JAG1: variants seen among roughly 807,000 people sequenced by gnomAD.
JAG1 encodes the protein protein jagged-1.
Under a neutral mutation model 148.7 loss-of-function variants are expected in JAG1, and 23 were observed. The observed-to-expected ratio is 0.15, with a 90% CI of 0.11 to 0.22. The LOEUF (loss-of-function observed/expected upper bound fraction) is 0.22. JAG1 is among the 10% of genes least tolerant of loss of function. JAG1 has a pLI of 1.00. For missense variants in JAG1, 1,054 were observed against 1,611.2 expected (o/e 0.65, Z 5.92); for synonymous variants, 572 against 598.3 (o/e 0.96, Z 0.64).
chr20:10,663,350 C>T (rs2067430201), intron 3 of JAG1, among the ~76,000 whole-genome samples: 1 of 152,218 alleles, frequency 6.6e-6, no homozygotes, highest in South Asian at 2.1e-4. Flanking sequence ...ATCACATCCT[C>T]CATGGCTTAT....
At position 10,647,900 on chromosome 20, in the gene JAG1, G is replaced by T. The variant is rs536580096; in HGVS notation, c.1720+60C>A. The T allele has an allele frequency of 3.2e-6, 5 of 1,564,186 alleles. No homozygotes were observed. The Admixed American group carries it at 8.4e-5, about 26-fold the overall frequency. On this transcript the variant is annotated intron_variant, in intron 13 of 25. Coordinates refer to ENST00000254958, the MANE Select transcript of JAG1 (RefSeq NM_000214.3). ...TCAAGTGTAACAAGGGGCAGTGGTA[G>T]TAAGTGGGGACAAAAGGAGCAAGTC...
Position 10,642,614 on chromosome 20 carries a change from G to A in JAG1, c.2459-13C>T, listed in dbSNP as rs543005578. On this transcript the variant is annotated splice_polypyrimidine_tract_variant and intron_variant, in intron 20 of 25. Transcript: ENST00000254958. The stretch of plus-strand genomic sequence containing the variant: ...CATTCATTGATGTCTAGGAGAAATG[G>A]AGTTCAAGTTTAGGGACTGATGGTG... The A allele has an allele frequency of 4.6e-5, 71 of 1,534,812 alleles. No individual in the cohort carries two copies. In the East Asian group the frequency reaches 1.1e-3, roughly 23 times the overall value.
chr20:10,650,222 A>C, intron 9 of JAG1, 25 bp downstream of exon 9: 1 of 1,480,114 alleles, frequency 6.8e-7, no homozygotes, highest in Non-Finnish European at 9.4e-7. Flanking sequence ...TGGTATAAAA[A>C]TTACAGTCAC....
intron 10 of JAG1, 112 bp downstream of exon 10, chr20:10,649,410 A>ACT (rs1474160304): frequency 1.5e-5 from 11 of 744,736 alleles, no homozygotes; most frequent in Non-Finnish European, 2.7e-5. Flanking sequence ...AACCATTCCC[A>ACT]CTCTAAGGTT....
intron 13 of JAG1, among the ~76,000 whole-genome samples, chr20:10,647,638 T>A (rs2122607076): frequency 6.6e-6 from 1 of 152,368 alleles, no homozygotes; most frequent in Non-Finnish European, 1.5e-5. Flanking sequence ...TCCCCCTCTG[T>A]CTGCCGTTGC....
At chr20:10,648,909 T>C in intron 11 of JAG1, 152 bp downstream of exon 11, 1 of 873,276 alleles carries the variant, frequency 1.1e-6, no homozygotes, top group Non-Finnish European at 1.9e-6. Context: ...CCCACGAGGC[T>C]GGGGTAACAT....
At chr20:10,646,869 G>C in intron 14 of JAG1, 70 bp downstream of exon 14, 1 of 1,477,238 alleles carries the variant, frequency 6.8e-7, no homozygotes, top group Non-Finnish European at 9.5e-7. Flanking sequence ...CCCAGGGTGG[G>C]CCAGGGGCAG....
intron 3 of JAG1, among the ~76,000 whole-genome samples, chr20:10,663,439 G>A (rs2067430853): frequency 6.6e-6 from 1 of 152,214 alleles, no homozygotes; most frequent in Non-Finnish European, 1.5e-5. Context: ...GACAAGGCAG[G>A]TAATGGCTGT....
At position 10,646,081 on chromosome 20, in the gene JAG1, A is replaced by G; in HGVS notation, c.1889T>C (p.Ile630Thr). The change falls in exon 15 of 26, where the codon ATT becomes ACT. Residue 630 changes from isoleucine to threonine, a missense_variant. Physicochemically the swap from Ile to Thr is moderately conservative, Grantham distance 89. Transcript: ENST00000254958. ...GFTGTYCHEN[I>T]NDCESNPCRN... ...ACAAGGGTTGCTCTCACAGTCATTA[A>G]TATCTATGAAACAAAGTAAAGCAAA... The G allele has an allele frequency of 1.2e-6, 2 of 1,606,390 alleles. No homozygotes were observed. The highest frequency in any genetic ancestry group is 1.1e-5 in the South Asian group (1 of 90,928).
At chr20:10,642,429 G>T in intron 21 of JAG1, 59 bp downstream of exon 21, 4 of 961,642 alleles carry the variant, frequency 4.2e-6, no homozygotes, top group South Asian at 3.9e-5. Context: ...GTCAAATGGT[G>T]ACTGCAAAGC....
Position 10,672,878 on chromosome 20 carries a change from C to G in JAG1, c.210G>C (p.Glu70Asp). The G allele has an allele frequency of 6.2e-7, 1 of 1,613,362 alleles. No homozygotes were observed. Among genetic ancestry groups the G allele is most frequent in the Non-Finnish European group, 8.5e-7 (1 of 1,180,056 alleles). Residue 70 changes from glutamate to aspartate, a missense_variant, in exon 2 of 26, where the codon GAG (glutamate) becomes GAC (aspartate). Physicochemically the swap from Glu to Asp is conservative, Grantham distance 45 (BLOSUM62 2). This residue lies in a region of JAG1 where 151 missense variants were observed against 211.1 expected (regional missense o/e 0.72). Coordinates refer to ENST00000254958, the MANE Select transcript of JAG1 (RefSeq NM_000214.3). ...NPGDRKCTRD[E>D]CDTYFKVCLK... ...GGCACACTTTGAAGTATGTGTCACA[C>G]TCGTCGCGGGTGCACTTGCGGTCTC...
At chr20:10,664,411 C>CACAA (rs1491053865) in intron 2 of JAG1, among the ~76,000 whole-genome samples, 1 of 149,174 alleles carries the variant, frequency 6.7e-6, no homozygotes, top group Non-Finnish European at 1.5e-5. Context: ...CACACACACA[C>CACAA]AAAGAATTTA....
chr20:10,650,828 C>A, intron 8 of JAG1: 1 of 177,360 alleles, frequency 5.6e-6, no homozygotes, highest in South Asian at 1.3e-4. Context: ...AGAGACAACT[C>A]CTAACAATTT....
At chr20:10,641,274 T>A in intron 23 of JAG1, 30 bp from the exon 24 acceptor site, 1 of 1,611,394 alleles carries the variant, frequency 6.2e-7, no homozygotes, top group South Asian at 1.1e-5. Flanking sequence ...CCCACACACG[T>A]GTAAGATTGA....
intron 5 of JAG1, among the ~76,000 whole-genome samples, chr20:10,653,564 CGGTGGAGCGTGGAG>C (rs1370225864): frequency 1.1e-4 from 5 of 45,012 alleles, no homozygotes; most frequent in South Asian, 1.5e-3. Context: ...ACTAGCCTCC[CGGTGGAGCGTGGAG>C]GGTGGAGGGT....
chr20:10,643,673 A>G, intron 20 of JAG1, 105 bp downstream of exon 20: 1 of 856,896 alleles, frequency 1.2e-6, no homozygotes, highest in African/African-American at 1.7e-5. Context: ...TATGAGAGCT[A>G]CTTAAAGGGA....
In JAG1 at chr20:10,648,072, G is replaced by A. The variant is rs200648453; in HGVS notation, c.1608C>T (p.Asn536=). ...TGGCACGGTTGTAGCACTGGGCACC[G>A]TTCTGGCAGGGATTAGGCTCACAAT... ...IDYCEPNPCQ[N]GAQCYNRASD... is the part of the protein sequence containing the mutation. Residue 536 remains asparagine (N), a synonymous_variant, in exon 13 of 26, where the codon AAC becomes AAT. Coordinates refer to ENST00000254958, the MANE Select transcript of JAG1 (RefSeq NM_000214.3). 8.3e-5 allele frequency: 134 copies of A among 1,614,034 alleles called. No individual in the cohort carries two copies. The highest frequency in any genetic ancestry group is 1.3e-4 in the East Asian group (6 of 44,888).
chr20:10,652,093 A>G (rs371166763), intron 7 of JAG1, 38 bp downstream of exon 7: 1 of 1,612,458 alleles, frequency 6.2e-7, no homozygotes, highest in African/African-American at 1.3e-5. Flanking sequence ...GTACAGAAAA[A>G]TTAGACAAAG....
At chr20:10,650,158 A>C (rs1333602398) in intron 9 of JAG1, 89 bp downstream of exon 9, 1 of 795,370 alleles carries the variant, frequency 1.3e-6, no homozygotes, top group Non-Finnish European at 2.2e-6. Context: ...GTGAACTCAC[A>C]CTGCCGGCCA....
Sources: gnomAD v4.1 joint callset for allele counts (sites outside exome capture counted in the v4.1 genomes callset) on GRCh38, gnomAD v4.1.1 for gene constraint, gnomAD v4.1.1 regional missense constraint, MANE v1.5 for transcripts, NCBI Gene and HGNC (gene_info 2026-07-23, HGNC 2026-07-21) for gene names.